ENTPD7: variants seen among roughly 807,000 people sequenced by gnomAD.
ENTPD7 encodes the protein NTPDase 7.
Under a neutral mutation model 77.9 loss-of-function variants are expected in ENTPD7, and 53 were observed. That is an observed-to-expected ratio of 0.68 (90% CI 0.55 to 0.85). The LOEUF is 0.85. ENTPD7 is among the 40% of genes least tolerant of loss of function. ENTPD7 has a pLI of 0.00. For missense variants in ENTPD7, 636 were observed against 743.7 expected (o/e 0.86, Z 1.68); for synonymous variants, 248 against 274.9 (o/e 0.90, Z 0.97).
chr10:99,688,868 G>T (rs2035845640), intron 7 of ENTPD7, 118 bp downstream of exon 7: 16 of 927,704 alleles, frequency 1.7e-5, no homozygotes, highest in East Asian at 2.5e-5. Flanking sequence ...AACATAAGAT[G>T]CTTCATTTTC....
intron 7 of ENTPD7, among the ~76,000 whole-genome samples, chr10:99,690,518 T>G: frequency 6.6e-6 from 1 of 152,098 alleles, no homozygotes; most frequent in East Asian, 1.9e-4. Flanking sequence ...TAAACATTTA[T>G]TTGTTTTATT....
rs568194993 is a variant in ENTPD7, at chr10:99,706,619, G to C, written c.*1936G>C. ...CAAAGTGCTGGGATTACAAGCATGA[G>C]CTACTGCACCTGCCCTCTGTTTCCT... On this transcript the variant is annotated 3_prime_UTR_variant, in exon 13 of 13. Coordinates refer to ENST00000370489, the MANE Select transcript of ENTPD7 (RefSeq NM_020354.5). Among the ~76,000 whole-genome samples the C allele has an allele frequency of 9.2e-5, 14 of 152,102 alleles. No homozygotes were observed. Among genetic ancestry groups the C allele is most frequent in the Admixed American group, 3.9e-4 (6 of 15,260 alleles).
intron 3 of ENTPD7, among the ~76,000 whole-genome samples, chr10:99,671,954 AG>A (rs1255529927): frequency 2.0e-4 from 31 of 152,240 alleles, no homozygotes; most frequent in African/African-American, 7.5e-4. Flanking sequence ...GCTTTTGGTT[AG>A]AATGCTCTTT....
intron 9 of ENTPD7, among the ~76,000 whole-genome samples, chr10:99,696,686 A>G (rs769688646): frequency 2.6e-5 from 4 of 152,244 alleles, no homozygotes; most frequent in Non-Finnish European, 4.4e-5. Context: ...ACCTTAATGT[A>G]CAAACAGTGG....
chr10:99,679,228 C>T (rs367866919), intron 3 of ENTPD7, 33 bp from the exon 4 acceptor site: 183 of 1,610,372 alleles, frequency 1.1e-4, no homozygotes, highest in Non-Finnish European at 1.5e-4. Flanking sequence ...GACCTGACTG[C>T]TTAGCACTGA....
chr10:99,676,148 G>C (rs1407929687), intron 3 of ENTPD7, among the ~76,000 whole-genome samples: 3 of 151,886 alleles, frequency 2.0e-5, no homozygotes, highest in Middle Eastern at 3.4e-3. Flanking sequence ...CTGTTAGTTT[G>C]GCTACTAAAG....
intron 3 of ENTPD7, among the ~76,000 whole-genome samples, chr10:99,677,277 TGGTTCTGAGG>T (rs2035693559): frequency 6.6e-6 from 1 of 151,816 alleles, no homozygotes; most frequent in Non-Finnish European, 1.5e-5. Context: ...TCACAAAAGC[TGGTTCTGAGG>T]GGTTCTGTGT....
At position 99,710,913 on chromosome 10, in the gene ENTPD7, T is replaced by C; in HGVS notation, c.*6230T>C. ...AATTTCCTTCATGTTTTAAAAACAATGGACGTAAGTGCAGAGAGACCTTTG... is the reference window on the plus strand; with the variant it reads ...AATTTCCTTCATGTTTTAAAAACAACGGACGTAAGTGCAGAGAGACCTTTG... On this transcript the variant is annotated 3_prime_UTR_variant, in exon 13 of 13. Coordinates refer to ENST00000370489, the MANE Select transcript of ENTPD7 (RefSeq NM_020354.5). The C allele has an allele frequency of 1.0e-6, 1 of 985,352 alleles. No individual in the cohort carries two copies. Among genetic ancestry groups the C allele is most frequent in the Non-Finnish European group, 1.2e-6 (1 of 829,828 alleles). The allele number at this position is 985,352 out of a possible 1,614,324, so 61.0% of individuals were successfully genotyped here.
rs2036236664 is a variant in ENTPD7 at position 99,705,631 on chromosome 10, TAAAGA to T, written c.*953_*957del. 1 of 152,198 alleles carries T rather than the reference TAAAGA, an allele frequency of 6.6e-6. No individual in the cohort carries two copies. The highest frequency in any genetic ancestry group is 2.4e-5 in the African/African-American group (1 of 41,444). 9.4% of individuals were successfully genotyped at this position (152,198 alleles called of 1,614,324 possible). ...ATGGGGAATGTATTTGGGTTGTTTT[TAAAGA>T]AAAGGGGAACAGAATCAGGAGAGTG... is the stretch of plus-strand genomic sequence containing the variant. On this transcript the variant is annotated 3_prime_UTR_variant, in exon 13 of 13. Transcript: ENST00000370489.
At chr10:99,691,643 C>A in intron 8 of ENTPD7, 125 bp downstream of exon 8, 2 of 1,066,368 alleles carry the variant, frequency 1.9e-6, no homozygotes, top group Non-Finnish European at 2.7e-6. Flanking sequence ...TGCTAGCTTG[C>A]GTTATCTTGA....
At position 99,661,503 on chromosome 10, in the gene ENTPD7, T is replaced by TC. The variant is rs1564625646; in HGVS notation, c.68dup (p.Phe24IlefsTer37). ...GGTACTTCACTGTGCCCACAGTGAG[T>TC]CCATTTCTCCGTCAGCGGGTGGCAT... On this transcript the variant is annotated frameshift_variant, in exon 3 of 13. Transcript: ENST00000370489. LOFTEE classifies it high-confidence loss of function. 1 of 1,613,948 alleles carries TC rather than the reference T, an allele frequency of 6.2e-7. No individual in the cohort carries two copies.
rs770119674 is a variant in ENTPD7 at position 99,661,637 on chromosome 10, G to A, written c.191+9G>A. The A allele has an allele frequency of 1.3e-6, 2 of 1,589,232 alleles. No individual in the cohort carries two copies. Among genetic ancestry groups the A allele is most frequent in the Admixed American group, 1.8e-5 (1 of 55,004 alleles). On this transcript the variant is annotated intron_variant, in intron 3 of 12. Coordinates refer to ENST00000370489, the MANE Select transcript of ENTPD7 (RefSeq NM_020354.5). Reference sequence around the variant, plus strand: ...GATAGGCAATACGAAAGGTGAGTCAGCTTTAGATTTTGGCACTCAAGTCAT... The same window carrying A: ...GATAGGCAATACGAAAGGTGAGTCAACTTTAGATTTTGGCACTCAAGTCAT...
At position 99,659,654 on chromosome 10, in the gene ENTPD7, C is replaced by G; in HGVS notation, c.-96+66C>G. 3.5e-6 allele frequency: 1 copy of G among 284,822 alleles called. No individual in the cohort carries two copies. Among genetic ancestry groups the G allele is most frequent in the Middle Eastern group, 9.8e-4 (1 of 1,022 alleles). 17.6% of individuals were successfully genotyped at this position (284,822 alleles called of 1,614,324 possible). A position where few individuals can be genotyped will look rare whatever the true frequency, so the allele number is the denominator to read the frequency against. ...GGGGAGAGGAAGCGGGACCCACACC[C>G]CGCCACCTGGGGACGACCGGTTCCT... On this transcript the variant is annotated intron_variant, in intron 1 of 12. Coordinates refer to ENST00000370489, the MANE Select transcript of ENTPD7 (RefSeq NM_020354.5). The surrounding 1 kb of genome is among the most constrained non-coding windows in gnomAD (Gnocchi z 4.1).
intron 12 of ENTPD7, 43 bp from the exon 13 acceptor site, chr10:99,704,409 C>G (rs2036205787): frequency 6.3e-7 from 1 of 1,597,640 alleles, no homozygotes; most frequent in Non-Finnish European, 8.6e-7. Context: ...CCCTTTGAAA[C>G]TTAACAGTTT....
At chr10:99,683,546 C>T (rs2133466381) in intron 5 of ENTPD7, among the ~76,000 whole-genome samples, 1 of 152,268 alleles carries the variant, frequency 6.6e-6, no homozygotes, top group South Asian at 2.1e-4. Flanking sequence ...CCCATTTACC[C>T]ACTACCCAGC....
chr10:99,694,544 T>TG (rs1035160106), intron 8 of ENTPD7, among the ~76,000 whole-genome samples: 2 of 150,750 alleles, frequency 1.3e-5, no homozygotes, highest in Non-Finnish European at 3.0e-5. Flanking sequence ...TTTTGTTTTT[T>TG]TTTTTTTTTG....
chr10:99,687,216 G>A (rs1313626483), intron 6 of ENTPD7, among the ~76,000 whole-genome samples: 6 of 138,914 alleles, frequency 4.3e-5, no homozygotes, highest in East Asian at 2.2e-4. Context: ...CGGCCGGCCC[G>A]TGATTCTATT....
At chr10:99,672,596 C>T (rs2035630512) in intron 3 of ENTPD7, among the ~76,000 whole-genome samples, 2 of 152,192 alleles carry the variant, frequency 1.3e-5, no homozygotes, top group Non-Finnish European at 2.9e-5. Flanking sequence ...TGAGCCACCA[C>T]ACCCAGCCCA....
At chr10:99,665,378 C>A (rs531141837) in intron 3 of ENTPD7, among the ~76,000 whole-genome samples, 2 of 152,138 alleles carry the variant, frequency 1.3e-5, no homozygotes, top group African/African-American at 2.4e-5. Flanking sequence ...TGGAGAAGAG[C>A]CTTGCCAGAA....
Sources: gnomAD v4.1 joint callset for allele counts (sites outside exome capture counted in the v4.1 genomes callset) on GRCh38, gnomAD v4.1.1 for gene constraint, Gnocchi (gnomAD v3.1) non-coding constraint, MANE v1.5 for transcripts, NCBI Gene and HGNC (gene_info 2026-07-23, HGNC 2026-07-21) for gene names.